The following NEDD9 variants were observed in gnomAD, a reference collection of about 807,000 sequenced individuals.
NEDD9 encodes neural precursor cell expressed, developmentally down-regulated 9, also known as enhancer of filamentation 1.
Under a neutral mutation model 76.6 loss-of-function variants are expected in NEDD9, and 26 were observed. That is an observed-to-expected ratio of 0.34 (90% CI 0.25 to 0.47). The LOEUF (loss-of-function observed/expected upper bound fraction) is 0.47. NEDD9 is among the 20% of genes least tolerant of loss of function. NEDD9 has a pLI of 1.00. For missense variants in NEDD9, 937 were observed against 1,058.5 expected, an observed-to-expected ratio of 0.89 and a Z score of 1.59; for synonymous variants, 392 against 414.2, an observed-to-expected ratio of 0.95 and a Z score of 0.65.
intron 3 of NEDD9, among the ~76,000 whole-genome samples, chr6:11,267,086 G>A (rs1760214150): frequency 1.3e-5 from 2 of 152,172 alleles, no homozygotes; most frequent in Admixed American, 1.3e-4. Flanking sequence ...ATTACCTGCT[G>A]GCTTATGATT....
rs1252797003 is a variant in NEDD9 at position 11,204,761 on chromosome 6, G to GAAAGA, written c.459+8515_459+8519dup. Among the ~76,000 whole-genome samples, 12 of 149,142 alleles carry GAAAGA rather than the reference G, an allele frequency of 8.0e-5. No homozygotes were observed. The East Asian group carries it at 2.4e-3, about 30-fold the overall frequency. On this transcript the variant is annotated intron_variant, in intron 2 of 6. Transcript: ENST00000379446. ...AAGAAAGAAAGAAAGAAAAGAAAAG[G>GAAAGA]AAAGAAAAGACTTTTCTGTGTGGCA...
At chr6:11,232,699 T>A, upstream of NEDD9, 2 of 1,447,226 alleles carry the variant, frequency 1.4e-6, no homozygotes. Context: ...GGCAGGCTGA[T>A]CGCGGACCTC....
At chr6:11,312,673 T>G (rs1761406738) in intron 2 of NEDD9, among the ~76,000 whole-genome samples, 1 of 138,032 alleles carries the variant, frequency 7.2e-6, no homozygotes, top group South Asian at 2.2e-4. Context: ...AATGGTATTA[T>G]AATTTTATAT....
Position 11,297,903 on chromosome 6 carries a change from T to C in NEDD9, c.12+8089A>G, listed in dbSNP as rs1039936777. ...GTATGGCTTCTAGTCCGTATTTTTT[T>C]TTCTTTTCTTTTTTTTTTTTTGGAG... On this transcript the variant is annotated intron_variant, in intron 3 of 3. Transcript: ENST00000397378. Among the ~76,000 whole-genome samples, 9 of 115,816 alleles carry C rather than the reference T, an allele frequency of 7.8e-5. No homozygotes were observed. The East Asian group carries it at 2.7e-3, about 35-fold the overall frequency. 76.0% of individuals were successfully genotyped at this position (115,816 alleles called of 152,430 possible). A position where few individuals can be genotyped will look rare whatever the true frequency, so the allele number is the denominator to read the frequency against.
intron 2 of NEDD9, among the ~76,000 whole-genome samples, chr6:11,203,247 G>A (rs1028285814): frequency 6.6e-6 from 1 of 152,050 alleles, no homozygotes; most frequent in Admixed American, 6.5e-5. Context: ...TTTTTTTTCT[G>A]TCTCATGGAC....
At chr6:11,287,855 T>C (rs976828323) in intron 3 of NEDD9, among the ~76,000 whole-genome samples, 9 of 152,242 alleles carry the variant, frequency 5.9e-5, no homozygotes, top group African/African-American at 2.2e-4. Context: ...TTGAATTTTG[T>C]AATGAGCTGT....
At chr6:11,286,804 C>T (rs975185876) in intron 3 of NEDD9, among the ~76,000 whole-genome samples, 2 of 152,056 alleles carry the variant, frequency 1.3e-5, no homozygotes, top group African/African-American at 4.8e-5. Flanking sequence ...TAACGGTTGC[C>T]TAGGAATGGG....
intron 1 of NEDD9, among the ~76,000 whole-genome samples, chr6:11,337,021 C>T (rs187902092): frequency 6.6e-6 from 1 of 152,114 alleles, no homozygotes; most frequent in Non-Finnish European, 1.5e-5. Context: ...GAGTACGAGA[C>T]CAGCATGGCC....
intron 3 of NEDD9, among the ~76,000 whole-genome samples, chr6:11,247,894 T>C (rs999445233): frequency 2.6e-5 from 4 of 152,170 alleles, no homozygotes; most frequent in Non-Finnish European, 4.4e-5. Flanking sequence ...TAGAAGGCTT[T>C]TAGAAAGAAA....
intron 6 of NEDD9, among the ~76,000 whole-genome samples, chr6:11,186,448 A>G (rs937133527): frequency 1.6e-4 from 24 of 152,080 alleles, no homozygotes; most frequent in African/African-American, 5.8e-4. Context: ...AATAATTTCT[A>G]GGGATTCCAC....
chr6:11,216,683 G>A (rs1758964120), intron 1 of NEDD9, among the ~76,000 whole-genome samples: 1 of 152,202 alleles, frequency 6.6e-6, no homozygotes, highest in South Asian at 2.1e-4. Context: ...CCAGGCAACA[G>A]CATCCCTTTG....
chr6:11,355,130 G>A (rs2113541255), intron 1 of NEDD9, among the ~76,000 whole-genome samples: 1 of 152,330 alleles, frequency 6.6e-6, no homozygotes, highest in Middle Eastern at 3.4e-3. Flanking sequence ...GGAAGCCAAA[G>A]AGAAAATGCA....
At chr6:11,207,573 T>C (rs1415909101) in intron 2 of NEDD9, 2 of 152,236 alleles carry the variant, frequency 1.3e-5, no homozygotes, top group African/African-American at 4.8e-5. Context: ...CATAGGATCT[T>C]GGTAAATCTG....
intron 2 of NEDD9, among the ~76,000 whole-genome samples, chr6:11,318,421 C>T (rs1049600381): frequency 1.3e-5 from 2 of 152,098 alleles, no homozygotes; most frequent in Admixed American, 1.3e-4. Context: ...CTGTGCTTTG[C>T]AAGTGTGGGG....
intron 3 of NEDD9, among the ~76,000 whole-genome samples, chr6:11,268,693 A>G (rs1043094126): frequency 6.6e-6 from 1 of 151,496 alleles, no homozygotes; most frequent in African/African-American, 2.4e-5. Flanking sequence ...GGGCCACTGC[A>G]CTCCAGCCTG....
intron 2 of NEDD9, among the ~76,000 whole-genome samples, chr6:11,310,196 G>A (rs151238565): frequency 6.6e-6 from 1 of 152,282 alleles, no homozygotes; most frequent in African/African-American, 2.4e-5. Context: ...CATTAGTATG[G>A]CACATCTGGC....
At chr6:11,230,207 A>C (rs535697380) in intron 1 of NEDD9, among the ~76,000 whole-genome samples, 15 of 152,232 alleles carry the variant, frequency 9.9e-5, no homozygotes, top group Non-Finnish European at 1.9e-4. Flanking sequence ...TCCTGCAGGA[A>C]TACTTGGGAT....
chr6:11,367,381 G>A (rs551894183), intron 1 of NEDD9, among the ~76,000 whole-genome samples: 1 of 152,188 alleles, frequency 6.6e-6, no homozygotes, highest in Non-Finnish European at 1.5e-5. Flanking sequence ...GTCTGTTAAA[G>A]TTATTATATG....
chr6:11,267,842 G>T (rs1368889895), intron 3 of NEDD9, among the ~76,000 whole-genome samples: 1 of 152,070 alleles, frequency 6.6e-6, no homozygotes, highest in Non-Finnish European at 1.5e-5. Context: ...GCTTATAATA[G>T]AAAGTTTATT....
Sources: gnomAD v4.1 joint callset for allele counts (sites outside exome capture counted in the v4.1 genomes callset) on GRCh38, gnomAD v4.1.1 for gene constraint, MANE v1.5 for transcripts, NCBI Gene and HGNC (gene_info 2026-07-23, HGNC 2026-07-21) for gene names.